MAD1L1: variants seen among roughly 807,000 people sequenced by gnomAD.
MAD1L1 encodes the protein mitotic spindle assembly checkpoint protein MAD1.
A neutral mutation model predicts 96.9 loss-of-function variants in MAD1L1; 95 were observed. That is an observed-to-expected ratio of 0.98 (90% CI 0.83 to 1.16). The LOEUF is 1.16. Ranked by LOEUF, MAD1L1 falls within the 50% of genes most tolerant of loss-of-function variation. MAD1L1 has a pLI of 0.00. For synonymous variants in MAD1L1, 473 were observed against 396.6 expected (o/e 1.19, Z -2.29); for missense variants, 1,007 against 954.4 (o/e 1.06, Z -0.73).
At position 2,199,278 on chromosome 7, in the gene MAD1L1, T is replaced by G. The variant is rs547534639; in HGVS notation, c.986+13934A>C. On this transcript the variant is annotated intron_variant, in intron 10 of 18. Coordinates refer to ENST00000265854, the MANE Select transcript of MAD1L1 (RefSeq NM_001013836.2). ...TTTGGCCTTTTTAAATGTTGGCATA[T>G]GGACTAAGGAATGGAATACCTAACT... is the stretch of plus-strand genomic sequence containing the variant. Among the ~76,000 whole-genome samples the G allele has an allele frequency of 3.3e-5, 5 of 152,368 alleles. No individual in the cohort carries two copies. In the East Asian group the frequency reaches 9.6e-4, roughly 29 times the overall value.
chr7:1,886,436 T>A (rs542602627), intron 18 of MAD1L1, among the ~76,000 whole-genome samples: 1 of 152,334 alleles, frequency 6.6e-6, no homozygotes, highest in East Asian at 1.9e-4. Flanking sequence ...TCTCAGCCTG[T>A]GTCAACACGC....
rs995685765 is a variant in MAD1L1, at chr7:1,916,819, A to T, written c.1808-18429T>A. ...CTCCCAGGAACTCCACTGCATGAACAGCCCGGGCACCCCCATTTGCCTACC... is the reference window on the plus strand; with the variant it reads ...CTCCCAGGAACTCCACTGCATGAACTGCCCGGGCACCCCCATTTGCCTACC... On this transcript the variant is annotated intron_variant, in intron 17 of 18. Transcript: ENST00000265854. Among the ~76,000 whole-genome samples the T allele has an allele frequency of 2.6e-5, 4 of 152,238 alleles. No individual in the cohort carries two copies. The East Asian group carries it at 7.7e-4, about 29-fold the overall frequency.
intron 18 of MAD1L1, among the ~76,000 whole-genome samples, chr7:1,871,110 ACACCTGCCACACTGAACCCAAC>A (rs1785061501): frequency 1.4e-5 from 2 of 143,992 alleles, no homozygotes; most frequent in Non-Finnish European, 3.0e-5. Context: ...ACCCACCGTA[ACACCTGCCACACTGAACCCAAC>A]ATACGCCTGC....
At chr7:1,854,219 G>A (rs1039946207) in intron 18 of MAD1L1, 2 of 337,334 alleles carry the variant, frequency 5.9e-6, no homozygotes, top group Admixed American at 4.1e-5. Context: ...AGGACAGGCC[G>A]CACCCACCAT....
intron 10 of MAD1L1, among the ~76,000 whole-genome samples, chr7:2,152,190 C>T (rs1375417794): frequency 3.9e-5 from 6 of 152,224 alleles, no homozygotes; most frequent in Non-Finnish European, 5.9e-5. Context: ...GTGATGGGCT[C>T]TCAGCCTGGA....
chr7:1,976,431 G>A (rs1201247369), intron 15 of MAD1L1, among the ~76,000 whole-genome samples: 7 of 152,162 alleles, frequency 4.6e-5, no homozygotes, highest in Admixed American at 2.0e-4. Flanking sequence ...AAGGCAGCAC[G>A]TCTGGAGTTG....
chr7:1,980,154 C>G (rs1040257950), intron 15 of MAD1L1, among the ~76,000 whole-genome samples: 4 of 152,192 alleles, frequency 2.6e-5, no homozygotes, highest in African/African-American at 9.6e-5. Flanking sequence ...CCGCACTCCC[C>G]TCCTCTGGAA....
Position 2,222,556 on chromosome 7 carries a change from C to T in MAD1L1, c.471+19G>A, listed in dbSNP as rs372091053. On this transcript the variant is annotated intron_variant, in intron 5 of 18. Coordinates refer to ENST00000265854, the MANE Select transcript of MAD1L1 (RefSeq NM_001013836.2). ...CTCCTCGGGAAAACAGCTCCCTGCG[C>T]AGCAGAGGCCCCGCTCACCTCGCCA... The T allele has an allele frequency of 1.9e-6, 3 of 1,558,430 alleles. No individual in the cohort carries two copies. In the African/African-American group the frequency reaches 4.1e-5, roughly 21 times the overall value.
At chr7:2,069,962 G>A (rs549797277) in intron 11 of MAD1L1, among the ~76,000 whole-genome samples, 2 of 152,314 alleles carry the variant, frequency 1.3e-5, no homozygotes, top group South Asian at 4.2e-4. Context: ...CCCTGTGCTC[G>A]TTGCCTGTCA....
chr7:2,021,792 T>C (rs1461304961), intron 12 of MAD1L1, among the ~76,000 whole-genome samples: 1 of 151,156 alleles, frequency 6.6e-6, no homozygotes, highest in Non-Finnish European at 1.5e-5. Context: ...AAAAACACTC[T>C]CTTAGACAAA....
chr7:1,902,132 G>A (rs1356663654), intron 17 of MAD1L1, among the ~76,000 whole-genome samples: 1 of 152,172 alleles, frequency 6.6e-6, no homozygotes, highest in Non-Finnish European at 1.5e-5. Context: ...CACGACACTG[G>A]TGCCTGAACA....
intron 18 of MAD1L1, among the ~76,000 whole-genome samples, chr7:1,878,357 C>T (rs1357941776): frequency 3.3e-5 from 5 of 151,986 alleles, no homozygotes; most frequent in Non-Finnish European, 5.9e-5. Flanking sequence ...AAACACATTA[C>T]AAGAAAAACT....
At chr7:2,172,292 C>T (rs895441394) in intron 10 of MAD1L1, among the ~76,000 whole-genome samples, 4 of 152,128 alleles carry the variant, frequency 2.6e-5, no homozygotes, top group African/African-American at 7.2e-5. Flanking sequence ...ACACGAGGCT[C>T]GGGTGGGACG....
Position 1,848,869 on chromosome 7 carries a change from C to G in MAD1L1, c.1999-32641G>C, listed in dbSNP as rs115154586. On this transcript the variant is annotated intron_variant, in intron 18 of 18. Transcript: ENST00000265854. ...CCCCAGAGGATTGTGTGCCCCCCAC[C>G]ACCAAGGTCCTTGCCCACTGGTCTG... The G allele has an allele frequency of 8.3e-3, 1,280 of 154,576 alleles. 20 individuals carry two copies. Among genetic ancestry groups the G allele is most frequent in the African/African-American group, 0.029 (1,195 of 41,652 alleles). The allele number at this position is 154,576 out of a possible 1,614,324, so 9.6% of individuals were successfully genotyped here.
At chr7:1,921,143 C>T (rs185009473) in intron 17 of MAD1L1, among the ~76,000 whole-genome samples, 422 of 152,284 alleles carry the variant, frequency 2.8e-3, no homozygotes, top group African/African-American at 9.6e-3. Flanking sequence ...AACCCCGGCA[C>T]GCTGCGGGTC....
At chr7:2,030,036 C>T (rs925513059) in intron 12 of MAD1L1, among the ~76,000 whole-genome samples, 1 of 152,178 alleles carries the variant, frequency 6.6e-6, no homozygotes, top group Non-Finnish European at 1.5e-5. Context: ...CCTGTGGACA[C>T]CGGGCTCACC....
At chr7:1,838,662 G>A (rs140580102) in intron 18 of MAD1L1, 40 of 432,292 alleles carry the variant, frequency 9.3e-5, no homozygotes, top group East Asian at 2.9e-4. Context: ...GGCTGCCGAC[G>A]GCTGGGACTG....
rs1420975282 is a variant in MAD1L1, at chr7:2,106,232, G to A, written c.1074-36894C>T. On this transcript the variant is annotated intron_variant, in intron 11 of 18. Coordinates refer to ENST00000265854, the MANE Select transcript of MAD1L1 (RefSeq NM_001013836.2). The stretch of plus-strand genomic sequence containing the variant: ...ATCGGCAGCACCCCTCCACTGCGTC[G>A]GTGCCTTGCGTGAAAGGTGCGAGCA... Among the ~76,000 whole-genome samples, 7 of 152,070 alleles carry A rather than the reference G, an allele frequency of 4.6e-5. No homozygotes were observed. The East Asian group carries it at 7.8e-4, about 17-fold the overall frequency.
chr7:2,067,431 G>A (rs865895121), intron 12 of MAD1L1, among the ~76,000 whole-genome samples: 2 of 151,966 alleles, frequency 1.3e-5, no homozygotes, highest in Admixed American at 6.5e-5. Context: ...AGGAAGCTCT[G>A]AGCTTCCAGC....
Sources: gnomAD v4.1 joint callset for allele counts (sites outside exome capture counted in the v4.1 genomes callset) on GRCh38, gnomAD v4.1.1 for gene constraint, MANE v1.5 for transcripts, NCBI Gene and HGNC (gene_info 2026-07-23, HGNC 2026-07-21) for gene names.